The following ATP6V0E1 variants were observed in gnomAD, a reference collection of about 807,000 sequenced individuals.
The protein encoded by ATP6V0E1 is V-type proton ATPase subunit e 1.
A neutral mutation model predicts 11.6 loss-of-function variants in ATP6V0E1; 4 were observed. The observed-to-expected ratio is 0.35, with a 90% CI of 0.17 to 0.79. The LOEUF is 0.79. Among genes scored for constraint, ATP6V0E1 ranks in the 30% least tolerant of loss-of-function variants. The pLI is 0.54. For missense variants in ATP6V0E1, 105 were observed against 100.0 expected, an observed-to-expected ratio of 1.05 and a Z score of -0.21; for synonymous variants, 36 against 34.8, an observed-to-expected ratio of 1.04 and a Z score of -0.13.
chr5:173,006,397 T>G (rs758206220), intron 2 of ATP6V0E1, among the ~76,000 whole-genome samples: 13 of 151,514 alleles, frequency 8.6e-5, no homozygotes, highest in Non-Finnish European at 1.9e-4. Context: ...GATCATGAGG[T>G]CAGGAGATCG....
intron 3 of ATP6V0E1, 67 bp downstream of exon 3, chr5:173,020,434 C>T (rs970371803): frequency 2.1e-6 from 2 of 960,634 alleles, no homozygotes; most frequent in African/African-American, 1.6e-5. Context: ...GACTTTTTCT[C>T]ACATTTTATG....
chr5:173,021,071 C>A (rs746037932), intron 3 of ATP6V0E1: 1 of 375,494 alleles, frequency 2.7e-6, no homozygotes, highest in South Asian at 1.9e-5. Context: ...ACATGACACC[C>A]GTATCTGTTT....
intron 2 of ATP6V0E1, among the ~76,000 whole-genome samples, chr5:173,005,713 C>T (rs900016518): frequency 3.9e-5 from 6 of 152,078 alleles, no homozygotes; most frequent in Admixed American, 2.6e-4. Flanking sequence ...GATTTAATTT[C>T]GTCTTTTCTA....
chr5:172,985,600 A>C (rs1011445768), intron 1 of ATP6V0E1, among the ~76,000 whole-genome samples: 4 of 152,158 alleles, frequency 2.6e-5, no homozygotes, highest in African/African-American at 9.7e-5. Context: ...CTGTTTCATT[A>C]CCCTACTGTC....
intron 2 of ATP6V0E1, among the ~76,000 whole-genome samples, chr5:173,004,896 C>T (rs1756207398): frequency 6.6e-6 from 1 of 152,142 alleles, no homozygotes; most frequent in Non-Finnish European, 1.5e-5. Context: ...GTTGTTGCTG[C>T]ACCAGCTTTT....
At position 172,997,294 on chromosome 5, in the gene ATP6V0E1, C is replaced by A. The variant is rs568887859; in HGVS notation, c.152+2472C>A. The stretch of plus-strand genomic sequence containing the variant: ...ATGTTATCAAGTCCTGTATTTCTCA[C>A]AGGTTTTTGAAACACGTAGAAAACA... On this transcript the variant is annotated intron_variant, in intron 2 of 3. Coordinates refer to ENST00000519374, the MANE Select transcript of ATP6V0E1 (RefSeq NM_003945.4). Among the ~76,000 whole-genome samples the A allele has an allele frequency of 3.9e-4, 59 of 152,190 alleles. 1 individual carries two copies. Among genetic ancestry groups the A allele is most frequent in the African/African-American group, 1.4e-3 (59 of 41,528 alleles).
chr5:172,996,731 A>G (rs1324517642), intron 2 of ATP6V0E1, among the ~76,000 whole-genome samples: 1 of 152,194 alleles, frequency 6.6e-6, no homozygotes. Flanking sequence ...TTCCAATTTG[A>G]GATCAATTTT....
At chr5:173,009,730 C>G (rs1756288284) in intron 2 of ATP6V0E1, among the ~76,000 whole-genome samples, 1 of 150,702 alleles carries the variant, frequency 6.6e-6, no homozygotes, top group Admixed American at 6.6e-5. Flanking sequence ...TCCCAAAGTG[C>G]TGGGATTACA....
chr5:173,023,642 C>T (rs777413753), intron 3 of ATP6V0E1, among the ~76,000 whole-genome samples: 11 of 152,134 alleles, frequency 7.2e-5, no homozygotes, highest in Non-Finnish European at 1.0e-4. Context: ...CCCAGGAGTT[C>T]GAGACCAGCT....
At position 173,034,791 on chromosome 5, in the gene ATP6V0E1, G is replaced by A; in HGVS notation, c.*429G>A. On this transcript the variant is annotated 3_prime_UTR_variant, in exon 4 of 4. Coordinates refer to ENST00000519374, the MANE Select transcript of ATP6V0E1 (RefSeq NM_003945.4). ...GGTCAGTAGGAGAGCACGTTCAGAG[G>A]GAAGAGCCATCTCAACAGAATCGCA... The A allele has an allele frequency of 4.5e-6, 1 of 224,692 alleles. No individual in the cohort carries two copies. Among genetic ancestry groups the A allele is most frequent in the Non-Finnish European group, 8.7e-6 (1 of 114,464 alleles). The allele number at this position is 224,692 out of a possible 1,614,324, so 13.9% of individuals were successfully genotyped here.
chr5:173,029,789 G>C (rs1216769971), intron 3 of ATP6V0E1, among the ~76,000 whole-genome samples: 1 of 152,060 alleles, frequency 6.6e-6, no homozygotes, highest in Non-Finnish European at 1.5e-5. Context: ...GTCACCAGCG[G>C]TCCCATGAGC....
chr5:173,020,693 A>G, intron 3 of ATP6V0E1: 1 of 520,386 alleles, frequency 1.9e-6, no homozygotes, highest in Non-Finnish European at 3.8e-6. Context: ...AACTTTAAAA[A>G]GTGGCTGGCA....
At chr5:173,001,272 C>T (rs1756148668) in intron 2 of ATP6V0E1, among the ~76,000 whole-genome samples, 1 of 152,154 alleles carries the variant, frequency 6.6e-6, no homozygotes, top group Non-Finnish European at 1.5e-5. Context: ...TAAAACAAAT[C>T]AAGAGCCAGA....
chr5:173,002,600 G>C (rs1756175987), intron 2 of ATP6V0E1, among the ~76,000 whole-genome samples: 2 of 152,184 alleles, frequency 1.3e-5, no homozygotes, highest in Admixed American at 1.3e-4. Context: ...ACTTCCAAGA[G>C]GGGTACATAA....
chr5:172,988,844 A>G (rs575963353), intron 1 of ATP6V0E1, among the ~76,000 whole-genome samples: 2 of 152,112 alleles, frequency 1.3e-5, no homozygotes, highest in Non-Finnish European at 1.5e-5. Flanking sequence ...GCACGTCACC[A>G]TGCTTGACTA....
At chr5:172,984,753 CTCAG>C (rs894834514) in intron 1 of ATP6V0E1, among the ~76,000 whole-genome samples, 2 of 152,178 alleles carry the variant, frequency 1.3e-5, no homozygotes, top group Non-Finnish European at 2.9e-5. Context: ...TCTTTTGCTT[CTCAG>C]TCATTTTTTT....
intron 3 of ATP6V0E1, among the ~76,000 whole-genome samples, chr5:173,023,337 G>C (rs559259924): frequency 1.3e-5 from 2 of 152,264 alleles, no homozygotes; most frequent in South Asian, 4.1e-4. Context: ...GGGACTACAG[G>C]TGTGTGCTAC....
At chr5:173,026,054 T>C (rs1402394990) in intron 3 of ATP6V0E1, among the ~76,000 whole-genome samples, 1 of 151,928 alleles carries the variant, frequency 6.6e-6, no homozygotes, top group Admixed American at 6.6e-5. Flanking sequence ...TAGAGTGCAG[T>C]GGTGTGATGT....
chr5:173,021,431 A>C (rs1441764356), intron 3 of ATP6V0E1, among the ~76,000 whole-genome samples: 3 of 152,160 alleles, frequency 2.0e-5, no homozygotes. Context: ...ACCAAGCAAA[A>C]GGGGTCTCCC....
Sources: allele counts gnomAD v4.1 joint callset (sites outside exome capture counted in the v4.1 genomes callset), GRCh38; gene constraint gnomAD v4.1.1; transcripts MANE v1.5; gene names NCBI Gene and HGNC (gene_info 2026-07-23, HGNC 2026-07-21).